The following KLHDC4 variants were observed in gnomAD, a reference collection of about 807,000 sequenced individuals.
The protein encoded by KLHDC4 is kelch domain containing 4.
Under a neutral mutation model 62.4 loss-of-function variants are expected in KLHDC4, and 90 were observed. The observed-to-expected ratio is 1.44, with a 90% CI of 1.22 to 1.72. The LOEUF is 1.72. Ranked by LOEUF, KLHDC4 falls within the 40% of genes most tolerant of loss-of-function variation. The pLI is 0.00. For synonymous variants in KLHDC4, 386 were observed against 284.4 expected, an observed-to-expected ratio of 1.36 and a Z score of -3.59; for missense variants, 1,025 against 699.7, an observed-to-expected ratio of 1.47 and a Z score of -5.25.
At chr16:87,705,661 G>C (rs1418816672), downstream of KLHDC4, among the ~76,000 whole-genome samples, 1 of 152,222 alleles carries the variant, frequency 6.6e-6, no homozygotes, top group Non-Finnish European at 1.5e-5. Context: ...TCTCATAACA[G>C]ACAACTACAT....
chr16:87,703,189 T>C (rs1234296083), downstream of KLHDC4: 1 of 152,160 alleles, frequency 6.6e-6, no homozygotes, highest in Non-Finnish European at 1.5e-5. Flanking sequence ...GGAAACGTGC[T>C]GTGAGCAGGA....
In KLHDC4 at chr16:87,711,462, G is replaced by A; in HGVS notation, c.836-19C>T. On this transcript the variant is annotated intron_variant, in intron 8 of 11. Coordinates refer to ENST00000270583, the MANE Select transcript of KLHDC4 (RefSeq NM_017566.4). ...CACTTGTCTGTCAAAAGAGAACAAG[G>A]AAGTGGGATAAGAACACAAGGAAGG... The A allele has an allele frequency of 6.3e-7, 1 of 1,595,510 alleles. No individual in the cohort carries two copies. The highest frequency in any genetic ancestry group is 1.7e-5 in the Admixed American group (1 of 59,372).
chr16:87,705,365 G>A (rs1038982543), downstream of KLHDC4, among the ~76,000 whole-genome samples: 10 of 152,216 alleles, frequency 6.6e-5, no homozygotes, highest in Non-Finnish European at 1.2e-4. Flanking sequence ...TGTGTTCCGC[G>A]TCTCCCACGG....
chr16:87,765,741 A>C (rs1440297102), intron 1 of KLHDC4, 51 bp downstream of exon 1: 3 of 1,515,040 alleles, frequency 2.0e-6, no homozygotes, highest in African/African-American at 1.4e-5. Flanking sequence ...GAGTCGGCCG[A>C]GGCTGCACGG....
downstream of KLHDC4, among the ~76,000 whole-genome samples, chr16:87,706,821 C>T (rs976200603): frequency 6.6e-6 from 1 of 152,174 alleles, no homozygotes; most frequent in Non-Finnish European, 1.5e-5. Flanking sequence ...CCAAGGTGAC[C>T]TGGGTTTTCC....
intron 7 of KLHDC4, among the ~76,000 whole-genome samples, chr16:87,721,222 C>T (rs991758780): frequency 1.4e-4 from 21 of 152,218 alleles, no homozygotes; most frequent in African/African-American, 4.3e-4. Flanking sequence ...AGATCGAGAC[C>T]ATCCTGGCTA....
At chr16:87,737,794 T>A (rs2041594449) in intron 5 of KLHDC4, among the ~76,000 whole-genome samples, 2 of 152,122 alleles carry the variant, frequency 1.3e-5, no homozygotes, top group Admixed American at 1.3e-4. Flanking sequence ...TTTCACCATG[T>A]TGGTCAAGAT....
Position 87,726,858 on chromosome 16 carries a change from G to C in KLHDC4, c.666C>G (p.Ser222=), listed in dbSNP as rs768336350. Residue 222 remains serine, a synonymous_variant, in exon 7 of 12, where the codon TCC becomes TCG. Coordinates refer to ENST00000270583, the MANE Select transcript of KLHDC4 (RefSeq NM_017566.4). The part of the protein sequence containing the change: ...NLDTFTWSKL[S]PSGTGPTPRS... ...TGGGTGTGGGCCCCGTCCCTGACGG[G>C]GACAGCTTGCTCCATGTGAAGGTGT... 2 of 1,613,594 alleles carry C rather than the reference G, an allele frequency of 1.2e-6. No homozygotes were observed. Among genetic ancestry groups the C allele is most frequent in the Admixed American group, 1.7e-5 (1 of 59,968 alleles).
chr16:87,726,084 CT>C (rs1452563926), intron 7 of KLHDC4, among the ~76,000 whole-genome samples: 1 of 152,146 alleles, frequency 6.6e-6, no homozygotes, highest in East Asian at 1.9e-4. Flanking sequence ...ATACAAAGAA[CT>C]GTTTATATTC....
intron 5 of KLHDC4, among the ~76,000 whole-genome samples, chr16:87,737,082 G>A (rs72812213): frequency 0.016 from 1,784 of 110,020 alleles, 20 homozygotes; most frequent in Middle Eastern, 0.085. Flanking sequence ...CCGAGATGGC[G>A]CCTTTGTACT....
At chr16:87,711,177 G>A in intron 9 of KLHDC4, 58 bp downstream of exon 9, 1 of 1,569,660 alleles carries the variant, frequency 6.4e-7, no homozygotes, top group Non-Finnish European at 8.7e-7. Context: ...GGCAGTGGTG[G>A]CAGGGACCCA....
At chr16:87,737,186 G>C (rs2041476305) in intron 5 of KLHDC4, among the ~76,000 whole-genome samples, 1 of 150,348 alleles carries the variant, frequency 6.7e-6, no homozygotes, top group East Asian at 2.0e-4. Flanking sequence ...CAGTGGCACA[G>C]CCAGAATTTG....
intron 6 of KLHDC4, among the ~76,000 whole-genome samples, chr16:87,728,404 C>A (rs1040042168): frequency 1.4e-4 from 22 of 152,148 alleles, no homozygotes; most frequent in African/African-American, 5.1e-4. Context: ...AAGATAAATA[C>A]AGAATATTTT....
chr16:87,741,977 C>T (rs1567771473), intron 5 of KLHDC4, among the ~76,000 whole-genome samples: 1 of 152,240 alleles, frequency 6.6e-6, no homozygotes, highest in African/African-American at 2.4e-5. Flanking sequence ...CATAAGCCCA[C>T]CCCACAGGGA....
chr16:87,761,067 A>G (rs1667957922), intron 2 of KLHDC4, among the ~76,000 whole-genome samples: 1 of 152,220 alleles, frequency 6.6e-6, no homozygotes, highest in Admixed American at 6.6e-5. Flanking sequence ...ACCACATGTA[A>G]CTTACATTTG....
At chr16:87,752,341 T>A (rs1456632897) in intron 4 of KLHDC4, among the ~76,000 whole-genome samples, 2 of 146,916 alleles carry the variant, frequency 1.4e-5, no homozygotes, top group African/African-American at 2.5e-5. Flanking sequence ...GTTTTTTCTT[T>A]TTTTTTTTTT....
rs1450772129 is a variant in KLHDC4, at chr16:87,707,849, G to C, written c.*228C>G. On this transcript the variant is annotated 3_prime_UTR_variant, in exon 12 of 12. Coordinates refer to ENST00000270583, the MANE Select transcript of KLHDC4 (RefSeq NM_017566.4). Reference sequence around the variant, plus strand: ...TCCAATTTATTTCACACAACACACAGGCTGCTGAGGGAATCCACCTGCACT... The same window carrying C: ...TCCAATTTATTTCACACAACACACACGCTGCTGAGGGAATCCACCTGCACT... The C allele has an allele frequency of 4.8e-6, 2 of 418,786 alleles. No homozygotes were observed. Among genetic ancestry groups the C allele is most frequent in the African/African-American group, 2.0e-5 (1 of 49,106 alleles). 25.9% of individuals were successfully genotyped at this position (418,786 alleles called of 1,614,324 possible).
chr16:87,762,778 C>T (rs2046078555), intron 1 of KLHDC4, among the ~76,000 whole-genome samples: 1 of 152,248 alleles, frequency 6.6e-6, no homozygotes, highest in East Asian at 1.9e-4. Context: ...AGTCCCAGTG[C>T]CCATTTCCCA....
intron 5 of KLHDC4, among the ~76,000 whole-genome samples, chr16:87,743,386 CACCCGGCCTGGACTCTACAATTCT>C (rs1422607250): frequency 6.6e-6 from 1 of 152,180 alleles, no homozygotes; most frequent in Non-Finnish European, 1.5e-5. Flanking sequence ...TGAGCCACTG[CACCCGGCCTGGACTCTACAATTCT>C]ACTTCAGGCC....
Sources: gnomAD v4.1 joint callset for allele counts (sites outside exome capture counted in the v4.1 genomes callset) on GRCh38, gnomAD v4.1.1 for gene constraint, MANE v1.5 for transcripts, NCBI Gene and HGNC (gene_info 2026-07-23, HGNC 2026-07-21) for gene names.